Variants in RP1L1 observed in about 807,000 individuals in gnomAD.
The protein encoded by RP1L1 is RP1 like 1, also known as retinitis pigmentosa 1-like 1 protein.
Under a neutral mutation model 15.7 loss-of-function variants are expected in RP1L1, and 27 were observed. The observed-to-expected ratio is 1.72, with a 90% CI of 1.27 to 2.38. The LOEUF (loss-of-function observed/expected upper bound fraction) is 2.38. Ranked by LOEUF, RP1L1 falls within the 30% of genes most tolerant of loss-of-function variation. The probability of loss-of-function intolerance (pLI) is 0.00; values close to 1 mark genes in which losing one functional copy is unlikely to be tolerated. For synonymous variants in RP1L1, 1,813 were observed against 1,276.7 expected (o/e 1.42, Z -8.96); for missense variants, 4,798 against 3,075.9 (o/e 1.56, Z -13.24).
At chr8:10,645,249 C>T (rs1033949484) in intron 1 of RP1L1, among the ~76,000 whole-genome samples, 7 of 152,126 alleles carry the variant, frequency 4.6e-5, no homozygotes, top group African/African-American at 1.7e-4. Flanking sequence ...ATCGCCTGAA[C>T]CCAGAAGATT....
At position 10,611,727 on chromosome 8, in the gene RP1L1, T is replaced by A. The variant is rs1797860668; in HGVS notation, c.2371A>T (p.Ser791Cys). The stretch of plus-strand genomic sequence containing the variant: ...GTGTCCCTGGCCTCTTCCCCCAGGC[T>A]GGCAGCCCCAGATTTTGAGCAGGAG... ...SDSCSKSGAA[S>C]LGEEARDTPQ... The change falls in exon 4 of 4, where the codon AGC becomes TGC. Residue 791 changes from serine to cysteine, a missense_variant. Coordinates refer to ENST00000382483, the MANE Select transcript of RP1L1 (RefSeq NM_178857.6). 1 of 1,613,566 alleles carries A rather than the reference T, an allele frequency of 6.2e-7. No individual in the cohort carries two copies. The highest frequency in any genetic ancestry group is 8.5e-7 in the Non-Finnish European group (1 of 1,179,948).
rs768721964 is a variant in RP1L1, at chr8:10,609,749, G to T, written c.4349C>A (p.Pro1450His). 6.2e-7 allele frequency: 1 copy of T among 1,613,526 alleles called. No homozygotes were observed. The highest frequency in any genetic ancestry group is 1.1e-5 in the South Asian group (1 of 91,074). Reference sequence around the variant, plus strand: ...GCTGAGATGACTAGGGGGCTCTGTGGGTTCCTCTGTGCCCTCTGCGGGGCA... The same window carrying T: ...GCTGAGATGACTAGGGGGCTCTGTGTGTTCCTCTGTGCCCTCTGCGGGGCA... ...EPCPAEGTEE[P>H]TEPPSHLSET... The change falls in exon 4 of 4, where the codon CCC becomes CAC. Residue 1450 changes from proline to histidine, a missense_variant. Pro to His is a moderately conservative substitution (Grantham distance 77). Coordinates refer to ENST00000382483, the MANE Select transcript of RP1L1 (RefSeq NM_178857.6).
At chr8:10,651,229 A>G (rs1011959430) in intron 1 of RP1L1, among the ~76,000 whole-genome samples, 1 of 152,152 alleles carries the variant, frequency 6.6e-6, no homozygotes, top group Non-Finnish European at 1.5e-5. Flanking sequence ...ACGTCTTACA[A>G]ATGCAAATTA....
At chr8:10,637,068 A>G (rs965156178) in intron 1 of RP1L1, among the ~76,000 whole-genome samples, 22 of 152,210 alleles carry the variant, frequency 1.4e-4, no homozygotes, top group Non-Finnish European at 2.5e-4. Flanking sequence ...CTGGTGAGGG[A>G]GAGAGACAGG....
chr8:10,627,903 G>T (rs953681513), intron 1 of RP1L1, among the ~76,000 whole-genome samples: 1 of 152,178 alleles, frequency 6.6e-6, no homozygotes, highest in Non-Finnish European at 1.5e-5. Flanking sequence ...TGATGAACAG[G>T]CACAAAGCAA....
intron 1 of RP1L1, among the ~76,000 whole-genome samples, chr8:10,644,969 T>G (rs73539593): frequency 6.6e-6 from 1 of 152,288 alleles, no homozygotes; most frequent in African/African-American, 2.4e-5. Flanking sequence ...TTAGCACTAA[T>G]GACCATTTAT....
Position 10,611,485 on chromosome 8 carries a change from C to A in RP1L1, c.2613G>T (p.Gly871=). The A allele has an allele frequency of 6.4e-7, 1 of 1,571,934 alleles. No homozygotes were observed. Among genetic ancestry groups the A allele is most frequent in the Non-Finnish European group, 8.6e-7 (1 of 1,160,900 alleles). Residue 871 remains glycine, a synonymous_variant, in exon 4 of 4, where the codon GGG becomes GGT. Transcript: ENST00000382483. ...TGCTTTGGTGGCTGCTGCCGGTGCTCCCACAGCTGGAAGAGCGCCTCTGGG... is the reference window on the plus strand; with the variant it reads ...TGCTTTGGTGGCTGCTGCCGGTGCTACCACAGCTGGAAGAGCGCCTCTGGG... ...PCPQRRSSSC[G]STGSSHQSTA...
rs746321551 is a variant in RP1L1, at chr8:10,608,076, C to G, written c.6022G>C (p.Glu2008Gln). The G allele has an allele frequency of 3.1e-6, 5 of 1,613,222 alleles. No individual in the cohort carries two copies. The South Asian group carries it at 4.4e-5, about 14-fold the overall frequency. Reference protein sequence around the residue: ...EDVEAPEAEGEMQEAEEEAQP... With the variant: ...EDVEAPEAEGQMQEAEEEAQP... ...GCCTCCTCTTCTGCCTCTTGCATCT[C>G]CCCTTCAGCCTCTGGGGCCTCTACA... The change falls in exon 4 of 4, where the codon GAG (glutamate) becomes CAG (glutamine). Residue 2008 changes from glutamate to glutamine, a missense_variant. By Grantham distance (29) the Glu-to-Gln change is conservative. Transcript: ENST00000382483.
rs759654067 is a variant in RP1L1 at position 10,606,981 on chromosome 8, G to A, written c.7117C>T (p.Gln2373Ter). 1.9e-6 allele frequency: 3 copies of A among 1,614,242 alleles called. No homozygotes were observed. The highest frequency in any genetic ancestry group is 2.5e-6 in the Non-Finnish European group (3 of 1,180,046). ...AGACTTCCGAGTGCCTGGTCCTCTTGTAGGTCATAACCTTCACTGGCCCCC... is the reference window on the plus strand; with the variant it reads ...AGACTTCCGAGTGCCTGGTCCTCTTATAGGTCATAACCTTCACTGGCCCCC... ...EQGASEGYDL[Q>*]EDQALGSLAP... is the part of the protein sequence containing the mutation. The change falls in exon 4 of 4, where the codon CAA becomes TAA. Residue 2373 changes from glutamine (Q) to a stop codon, truncating the protein, a stop_gained. Coordinates refer to ENST00000382483, the MANE Select transcript of RP1L1 (RefSeq NM_178857.6). LOFTEE classifies it low-confidence loss of function (END_TRUNC).
At chr8:10,644,750 C>G (rs754613719) in intron 1 of RP1L1, among the ~76,000 whole-genome samples, 2 of 152,226 alleles carry the variant, frequency 1.3e-5, no homozygotes, top group South Asian at 4.1e-4. Context: ...ACCCCAGGAA[C>G]GCAGCCAGGG....
rs1234117561 is a variant in RP1L1 at position 10,607,092 on chromosome 8, C to T, written c.7006G>A (p.Ala2336Thr). 3.7e-6 allele frequency: 6 copies of T among 1,614,114 alleles called. No individual in the cohort carries two copies. The highest frequency in any genetic ancestry group is 1.1e-5 in the South Asian group (1 of 91,088). ...PDAKSTGTPHAERKATRMYPE... is the reference protein window; with the variant it reads ...PDAKSTGTPHTERKATRMYPE... ...TACATCCTGGTGGCCTTCCTCTCTG[C>T]ATGAGGGGTCCCCGTGGACTTGGCA... Residue 2336 changes from alanine (A) to threonine (T), a missense_variant, in exon 4 of 4, where the codon GCA (alanine) becomes ACA (threonine). Transcript: ENST00000382483.
chr8:10,623,340 G>T (rs192303821), intron 1 of RP1L1, 120 bp from the exon 2 acceptor site: 2 of 745,252 alleles, frequency 2.7e-6, no homozygotes, highest in East Asian at 5.4e-5. Context: ...CTCCACTATG[G>T]AGAGGCAAGT....
At position 10,609,584 on chromosome 8, in the gene RP1L1, G is replaced by A. The variant is rs202068070; in HGVS notation, c.4514C>T (p.Ser1505Leu). 2,335 of 1,604,202 alleles carry A rather than the reference G, an allele frequency of 1.5e-3. 5 individuals are homozygous for A. Among genetic ancestry groups the A allele is most frequent in the Non-Finnish European group, 1.9e-3 (2,236 of 1,177,938 alleles). The change falls in exon 4 of 4, where the codon TCG (serine) becomes TTG (leucine). Residue 1505 changes from serine to leucine, a missense_variant. Ser to Leu is a moderately radical substitution (Grantham distance 145, BLOSUM62 -2). Transcript: ENST00000382483. ...PTQGAAERSSSVACSAALDCD... is the reference protein window; with the variant it reads ...PTQGAAERSSLVACSAALDCD... ...GTCCAGAGCCGCGCTGCAGGCCACCGAAGAGCTCCTCTCTGCAGCCCCCTG... is the reference window on the plus strand; with the variant it reads ...GTCCAGAGCCGCGCTGCAGGCCACCAAAGAGCTCCTCTCTGCAGCCCCCTG...
At chr8:10,632,365 G>A (rs1188127195) in intron 1 of RP1L1, among the ~76,000 whole-genome samples, 1 of 152,224 alleles carries the variant, frequency 6.6e-6, no homozygotes, top group Non-Finnish European at 1.5e-5. Context: ...TGTCTGAGAT[G>A]GTGGTTATAA....
chr8:10,614,033 T>A (rs1797925192), intron 3 of RP1L1, among the ~76,000 whole-genome samples: 1 of 152,210 alleles, frequency 6.6e-6, no homozygotes, highest in African/African-American at 2.4e-5. Flanking sequence ...TAAAACTTCC[T>A]TTATAGTTGC....
chr8:10,622,484 G>A (rs528187648), intron 2 of RP1L1, 109 bp downstream of exon 2: 1 of 1,397,132 alleles, frequency 7.2e-7, no homozygotes, highest in Non-Finnish European at 1.0e-6. Context: ...ATTAGCAGCA[G>A]GGCAATCAAA....
chr8:10,629,302 C>A (rs1009607082), intron 1 of RP1L1, among the ~76,000 whole-genome samples: 2 of 150,124 alleles, frequency 1.3e-5, no homozygotes, highest in Admixed American at 6.6e-5. Flanking sequence ...TGCCTGGGGG[C>A]TACCCATGGC....
chr8:10,645,860 C>T (rs1359514416), intron 1 of RP1L1, among the ~76,000 whole-genome samples: 2 of 148,852 alleles, frequency 1.3e-5, no homozygotes, highest in Non-Finnish European at 3.0e-5. Context: ...CTCCACATGG[C>T]ATGACAAGCA....
At chr8:10,617,546 CTTTTTTTTTTTTTT>C (rs777209714) in intron 2 of RP1L1, among the ~76,000 whole-genome samples, 2 of 63,386 alleles carry the variant, frequency 3.2e-5, no homozygotes, top group African/African-American at 6.2e-5. Flanking sequence ...GTTTCTTTTT[CTTTTTTTTTTTTTT>C]TTTTTTTTTT....
Sources: allele counts gnomAD v4.1 joint callset (sites outside exome capture counted in the v4.1 genomes callset), GRCh38; gene constraint gnomAD v4.1.1; transcripts MANE v1.5; gene names NCBI Gene and HGNC (gene_info 2026-07-23, HGNC 2026-07-21).